Variants in GSAP observed in about 807,000 individuals in gnomAD.
GSAP encodes the protein gamma-secretase activating protein.
GSAP carries 118 observed loss-of-function variants against 131.7 expected under a neutral mutation model. The ratio of observed to expected loss-of-function variants is 0.90; its 90% CI spans 0.77 to 1.04. The LOEUF (loss-of-function observed/expected upper bound fraction) is 1.04, where lower values mean the gene tolerates loss of function less well. Ranked by LOEUF, GSAP falls within the 50% of genes least tolerant of loss-of-function variation. GSAP has a pLI of 0.00. For synonymous variants in GSAP, 381 were observed against 363.4 expected, an observed-to-expected ratio of 1.05 and a Z score of -0.55; for missense variants, 1,019 against 1,013.2, an observed-to-expected ratio of 1.01 and a Z score of -0.08.
At chr7:77,336,388 G>T (rs1006553455) in intron 19 of GSAP, among the ~76,000 whole-genome samples, 3 of 152,154 alleles carry the variant, frequency 2.0e-5, no homozygotes, top group Non-Finnish European at 4.4e-5. Context: ...CCTCCATCCT[G>T]GGTCTGTTCC....
Position 77,311,076 on chromosome 7 carries a change from GTGGCCTAT to G in GSAP, c.*274_*281del, listed in dbSNP as rs1376725156. The G allele has an allele frequency of 3.5e-6, 1 of 284,188 alleles. No homozygotes were observed. Among genetic ancestry groups the G allele is most frequent in the East Asian group, 6.3e-5 (1 of 15,964 alleles). 17.6% of individuals were successfully genotyped at this position (284,188 alleles called of 1,614,324 possible). ...TTCAGAGTGCAACAGAAACTAGCTT[GTGGCCTAT>G]TAAGCTACTAGGAAGAGCATCGTTT... On this transcript the variant is annotated 3_prime_UTR_variant, in exon 31 of 31. Coordinates refer to ENST00000257626, the MANE Select transcript of GSAP (RefSeq NM_017439.4).
At position 77,374,125 on chromosome 7, in the gene GSAP, T is replaced by C. The variant is rs774498867; in HGVS notation, c.816A>G (p.Gln272=). 2 of 1,592,282 alleles carry C rather than the reference T, an allele frequency of 1.3e-6. No individual in the cohort carries two copies. Among genetic ancestry groups the C allele is most frequent in the South Asian group, 2.2e-5 (2 of 89,562 alleles). ...KLVNFGCDYH[Q]YRDKFSKHLT... is the part of the protein sequence containing the mutation. ...GGTGTTTGGAAAATTTATCTCGGTA[T>C]TGATGATAATCACATCCAAAGTTGA... is the stretch of plus-strand genomic sequence containing the variant. The change falls in exon 12 of 31, where the codon CAA becomes CAG. Residue 272 remains glutamine (Q), a synonymous_variant. Transcript: ENST00000257626.
Position 77,374,079 on chromosome 7 carries a change from T to C in GSAP, c.862A>G (p.Asn288Asp), listed in dbSNP as rs1303556283. Residue 288 changes from asparagine (N) to aspartate (D), a missense_variant, in exon 12 of 31, where the codon AAC becomes GAC. Asn to Asp is a conservative substitution (Grantham distance 23). Transcript: ENST00000257626. ...SKHLTLCVFT[N>D]HTGSLCVCYS... ...TACAACCCTAGTTTACCTGTATGGT[T>C]GGTAAAAACACACAGAGTCAGGTGT... The C allele has an allele frequency of 6.5e-7, 1 of 1,548,394 alleles. No individual in the cohort carries two copies. The highest frequency in any genetic ancestry group is 1.1e-5 in the South Asian group (1 of 87,918).
At chr7:77,378,012 T>C (rs577060702) in intron 8 of GSAP, among the ~76,000 whole-genome samples, 1 of 152,362 alleles carries the variant, frequency 6.6e-6, no homozygotes, top group South Asian at 2.1e-4. Context: ...CCCCAAGATG[T>C]AGTATAATCC....
intron 20 of GSAP, chr7:77,329,659 C>CCT (rs1258561001): frequency 4.2e-6 from 1 of 240,438 alleles, no homozygotes; most frequent in Non-Finnish European, 8.0e-6. Context: ...TGCAATGTAC[C>CCT]CTCCACCCAG....
At chr7:77,343,045 A>G (rs1180271682) in intron 19 of GSAP, among the ~76,000 whole-genome samples, 1 of 152,120 alleles carries the variant, frequency 6.6e-6, no homozygotes, top group Non-Finnish European at 1.5e-5. Context: ...CTCCCTTTTC[A>G]TTACACACAG....
rs374523397 is a variant in GSAP at position 77,360,905 on chromosome 7, C to A, written c.950-4G>T. ...GTGGTGAAGGTCTTGCTGTGTCCTG[C>A]AAAGAGAGAATATGAAGCCAGAGAA... On this transcript the variant is annotated splice_region_variant and splice_polypyrimidine_tract_variant and intron_variant, in intron 13 of 30. Transcript: ENST00000257626. 27 of 1,561,864 alleles carry A rather than the reference C, an allele frequency of 1.7e-5. No individual in the cohort carries two copies. Among genetic ancestry groups the A allele is most frequent in the Non-Finnish European group, 2.4e-5 (27 of 1,133,288 alleles).
At chr7:77,351,682 T>C in intron 18 of GSAP, 20 of 985,868 alleles carry the variant, frequency 2.0e-5, no homozygotes, top group Non-Finnish European at 2.4e-5. Flanking sequence ...TGCTCCACCC[T>C]GCACAATCTT....
At position 77,323,705 on chromosome 7, in the gene GSAP, AG is replaced by A; in HGVS notation, c.1864del (p.Leu622TyrfsTer4). The A allele has an allele frequency of 6.2e-7, 1 of 1,605,306 alleles. No individual in the cohort carries two copies. The highest frequency in any genetic ancestry group is 8.5e-7 in the Non-Finnish European group (1 of 1,173,160). ...SELKDHFLRH[L>X]QGVEKKKIEQ... ...AATTTTCTTCTTTTCTACACCCTGT[AG>A]GTGTCTCAAAAAATGGTCTTTTAGC... On this transcript the variant is annotated frameshift_variant, in exon 24 of 31. Coordinates refer to ENST00000257626, the MANE Select transcript of GSAP (RefSeq NM_017439.4). LOFTEE classifies it high-confidence loss of function.
chr7:77,398,717 G>A (rs564705428), intron 3 of GSAP, among the ~76,000 whole-genome samples: 3 of 152,108 alleles, frequency 2.0e-5, no homozygotes, highest in South Asian at 2.1e-4. Flanking sequence ...GCTGTGAGCC[G>A]TGATTGTGCC....
intron 18 of GSAP, 135 bp downstream of exon 18, chr7:77,352,809 A>T: frequency 1.8e-6 from 1 of 542,458 alleles, no homozygotes; most frequent in Non-Finnish European, 3.3e-6. Flanking sequence ...TGCCAAAAAA[A>T]ATTCAACTGA....
chr7:77,401,518 A>G (rs1237081637), intron 3 of GSAP, among the ~76,000 whole-genome samples: 2 of 151,996 alleles, frequency 1.3e-5, no homozygotes, highest in Admixed American at 1.3e-4. Flanking sequence ...CAGGAATGAA[A>G]GGAAAAAAAC....
chr7:77,366,567 G>A (rs920444622), intron 12 of GSAP, among the ~76,000 whole-genome samples: 5 of 152,052 alleles, frequency 3.3e-5, no homozygotes, highest in African/African-American at 9.7e-5. Context: ...TTCTGGGTTC[G>A]CTATTCCATT....
At chr7:77,374,311 G>T (rs1400199375) in intron 11 of GSAP, among the ~76,000 whole-genome samples, 156 bp from the exon 12 acceptor site, 1 of 152,126 alleles carries the variant, frequency 6.6e-6, no homozygotes. Context: ...AAATTCTGTA[G>T]TTTTTTCAAA....
At chr7:77,342,003 T>C (rs1584365575) in intron 19 of GSAP, among the ~76,000 whole-genome samples, 1 of 152,344 alleles carries the variant, frequency 6.6e-6, no homozygotes, top group African/African-American at 2.4e-5. Context: ...GGCCAAGGAA[T>C]GCCCACAGCC....
Position 77,397,386 on chromosome 7 carries a change from T to C in GSAP, c.273A>G (p.Gln91=), listed in dbSNP as rs1800590051. Residue 91 remains glutamine (Q), a synonymous_variant, in exon 4 of 31, where the codon CAA becomes CAG. Transcript: ENST00000257626. ...ELLYTFEKDL[Q]VFSCSVNSER... ...CACTGTTGACAGAGCAACTGAAAAC[T>C]TGCAAGTCTTTCTCAAAGGTATATA... 6.2e-7 allele frequency: 1 copy of C among 1,605,056 alleles called. No individual in the cohort carries two copies. Among genetic ancestry groups the C allele is most frequent in the South Asian group, 1.1e-5 (1 of 90,152 alleles).
intron 19 of GSAP, among the ~76,000 whole-genome samples, chr7:77,339,772 TAAGCA>T (rs919403323): frequency 1.5e-4 from 23 of 152,220 alleles, no homozygotes. Flanking sequence ...ACTTTGTTCC[TAAGCA>T]AAGCTAAATC....
At chr7:77,380,796 A>G (rs968552234) in intron 8 of GSAP, among the ~76,000 whole-genome samples, 28 of 152,310 alleles carry the variant, frequency 1.8e-4, no homozygotes, top group African/African-American at 6.5e-4. Context: ...ATGATTGTAT[A>G]TATGGTATAA....
chr7:77,332,902 G>A (rs1352099098), intron 19 of GSAP, among the ~76,000 whole-genome samples: 1 of 152,136 alleles, frequency 6.6e-6, no homozygotes, highest in Non-Finnish European at 1.5e-5. Flanking sequence ...ATGCGGCCAG[G>A]TCATGCCTGT....
Sources: gnomAD v4.1 joint callset for allele counts (sites outside exome capture counted in the v4.1 genomes callset) on GRCh38, gnomAD v4.1.1 for gene constraint, MANE v1.5 for transcripts, NCBI Gene and HGNC (gene_info 2026-07-23, HGNC 2026-07-21) for gene names.